The following NRG1 variants were observed in gnomAD, a reference collection of about 807,000 sequenced individuals.
The protein encoded by NRG1 is pro-neuregulin-1, membrane-bound isoform.
A neutral mutation model predicts 63.8 loss-of-function variants in NRG1; 18 were observed. The observed-to-expected ratio is 0.28, with a 90% CI of 0.19 to 0.42. The LOEUF is 0.42. NRG1 is among the 10% of genes least tolerant of loss of function. NRG1 has a pLI of 1.00. For missense variants in NRG1, 762 were observed against 814.7 expected, an observed-to-expected ratio of 0.94 and a Z score of 0.79; for synonymous variants, 302 against 301.3, an observed-to-expected ratio of 1.00 and a Z score of -0.02.
chr8:31,943,441 C>T (rs1802062482), intron 1 of NRG1, among the ~76,000 whole-genome samples: 1 of 152,032 alleles, frequency 6.6e-6, no homozygotes, highest in African/African-American at 2.4e-5. Context: ...GTGTACACTG[C>T]TCTGGTGATG....
intron 1 of NRG1, among the ~76,000 whole-genome samples, chr8:31,851,809 C>T (rs1431727583): frequency 7.1e-6 from 1 of 141,388 alleles, no homozygotes. Context: ...CTTCCTGTGT[C>T]CATGTGTTCT....
At chr8:31,690,644 G>A (rs187120897) in intron 1 of NRG1, among the ~76,000 whole-genome samples, 15 of 152,262 alleles carry the variant, frequency 9.9e-5, no homozygotes, top group Middle Eastern at 6.8e-3. Context: ...TCATCAGATT[G>A]TGGATGCGCT....
At chr8:32,086,600 T>C (rs537123496) in intron 1 of NRG1, among the ~76,000 whole-genome samples, 59 of 152,244 alleles carry the variant, frequency 3.9e-4, no homozygotes, top group Non-Finnish European at 8.2e-4. Context: ...ATGCTTTTTC[T>C]AACTTATTTT....
intron 1 of NRG1, among the ~76,000 whole-genome samples, chr8:32,457,665 A>C (rs1301355702): frequency 6.6e-6 from 1 of 152,208 alleles, no homozygotes; most frequent in Non-Finnish European, 1.5e-5. Context: ...CAATTGGCCC[A>C]AATCTCTCTG....
At chr8:32,698,128 C>T (rs1563973364) in intron 5 of NRG1, among the ~76,000 whole-genome samples, 1 of 151,948 alleles carries the variant, frequency 6.6e-6, no homozygotes, top group African/African-American at 2.4e-5. Flanking sequence ...ATCACTTGAA[C>T]CCAGGAGGCA....
At chr8:31,951,915 T>C (rs1306274541) in intron 1 of NRG1, among the ~76,000 whole-genome samples, 3 of 152,228 alleles carry the variant, frequency 2.0e-5, no homozygotes, top group Non-Finnish European at 2.9e-5. Context: ...CCTTTTAAAA[T>C]GCTCTTTCAC....
intron 1 of NRG1, among the ~76,000 whole-genome samples, chr8:31,879,068 G>T (rs1830148396): frequency 1.3e-5 from 2 of 152,102 alleles, no homozygotes; most frequent in Admixed American, 1.3e-4. Context: ...TTCCATTGGT[G>T]ACAAGTAAGG....
At chr8:32,487,831 T>C (rs1826087154) in intron 1 of NRG1, among the ~76,000 whole-genome samples, 2 of 152,208 alleles carry the variant, frequency 1.3e-5, no homozygotes, top group African/African-American at 4.8e-5. Context: ...ACCGTCCCTT[T>C]CAACCGGAGT....
chr8:32,003,814 G>T (rs754787728), intron 1 of NRG1, among the ~76,000 whole-genome samples: 35 of 151,554 alleles, frequency 2.3e-4, no homozygotes, highest in Non-Finnish European at 5.0e-4. Flanking sequence ...CATTCAAGGA[G>T]GGAAAAAGAA....
At chr8:32,279,757 T>C (rs2129473083) in intron 1 of NRG1, among the ~76,000 whole-genome samples, 1 of 152,318 alleles carries the variant, frequency 6.6e-6, no homozygotes, top group East Asian at 1.9e-4. Flanking sequence ...TCTTTCTAGG[T>C]GATATTCTAG....
chr8:31,731,524 C>T (rs1814067487), intron 1 of NRG1, among the ~76,000 whole-genome samples: 1 of 151,694 alleles, frequency 6.6e-6, no homozygotes, highest in Non-Finnish European at 1.5e-5. Flanking sequence ...ATTATAAATA[C>T]AAATTAATAC....
chr8:32,548,709 C>A (rs754171904), exon 1 of NRG1: 2 of 1,565,576 alleles, frequency 1.3e-6, no homozygotes, highest in Admixed American at 1.9e-5. Flanking sequence ...CCGCGTAGAG[C>A]GCTCCGTCTC....
intron 1 of NRG1, among the ~76,000 whole-genome samples, chr8:32,569,968 C>T (rs1838226906): frequency 1.4e-5 from 2 of 142,042 alleles, no homozygotes; most frequent in South Asian, 2.2e-4. Flanking sequence ...AGTGCAGTGG[C>T]GCGATCTTGG....
downstream of NRG1, among the ~76,000 whole-genome samples, chr8:32,772,683 C>T (rs560868601): frequency 6.6e-5 from 10 of 152,194 alleles, no homozygotes; most frequent in South Asian, 2.1e-3. Flanking sequence ...CTAGTTTCTC[C>T]CAGTTGAGCC....
chr8:32,308,188 C>A (rs1586742359), intron 1 of NRG1, among the ~76,000 whole-genome samples: 1 of 152,298 alleles, frequency 6.6e-6, no homozygotes, highest in East Asian at 1.9e-4. Flanking sequence ...TTCCCTTATT[C>A]TCCAACTTAA....
chr8:32,666,298 T>C (rs910143833), intron 5 of NRG1, among the ~76,000 whole-genome samples: 1 of 152,184 alleles, frequency 6.6e-6, no homozygotes, highest in African/African-American at 2.4e-5. Context: ...AGAAACCTGA[T>C]TGTGCTTCAC....
chr8:32,743,951 G>A (rs1826964757), intron 7 of NRG1, among the ~76,000 whole-genome samples: 1 of 152,012 alleles, frequency 6.6e-6, no homozygotes, highest in Non-Finnish European at 1.5e-5. Flanking sequence ...GCATAAAACT[G>A]ATGTGCATGG....
chr8:32,332,808 T>A (rs1802813028), intron 1 of NRG1, among the ~76,000 whole-genome samples: 1 of 152,216 alleles, frequency 6.6e-6, no homozygotes, highest in African/African-American at 2.4e-5. Flanking sequence ...CAAGCTCGTC[T>A]GTTTTGCTCA....
At chr8:32,604,298 A>G (rs1844883033) in intron 2 of NRG1, among the ~76,000 whole-genome samples, 1 of 152,172 alleles carries the variant, frequency 6.6e-6, no homozygotes, top group African/African-American at 2.4e-5. Context: ...CAGGGGGTCT[A>G]CATGTGGAAC....
Sources: gnomAD v4.1 joint callset for allele counts (sites outside exome capture counted in the v4.1 genomes callset) on GRCh38, gnomAD v4.1.1 for gene constraint, MANE v1.5 for transcripts, NCBI Gene and HGNC (gene_info 2026-07-23, HGNC 2026-07-21) for gene names.